The following TOP6BL variants were observed in gnomAD, a reference collection of about 807,000 sequenced individuals.
The protein encoded by TOP6BL is TOP6B like initiator of meiotic double strand breaks.
the TOP6BL span, among the ~76,000 whole-genome samples, chr11:66,758,834 C>T: frequency 0.02 from 3,056 of 152,120 alleles, 114 homozygotes; most frequent in African/African-American, 0.068. Context: ...ACTTGCTATT[C>T]GGTTATCTCT....
the TOP6BL span, among the ~76,000 whole-genome samples, chr11:66,840,777 T>C: frequency 6.6e-6 from 1 of 152,254 alleles, no homozygotes; most frequent in African/African-American, 2.4e-5. Context: ...TGTAAGGCTA[T>C]GACTCGCCTG....
chr11:66,746,966 T>C, the TOP6BL span, among the ~76,000 whole-genome samples: 1 of 151,362 alleles, frequency 6.6e-6, no homozygotes, highest in East Asian at 1.9e-4. Context: ...TGAAACGGAG[T>C]GTTGCTGTTG....
the TOP6BL span, among the ~76,000 whole-genome samples, chr11:66,763,714 C>G: frequency 6.6e-6 from 1 of 152,146 alleles, no homozygotes; most frequent in Non-Finnish European, 1.5e-5. Flanking sequence ...GAGCCATCCT[C>G]CAGCCTCAGC....
At chr11:66,753,747 C>T in the TOP6BL span, among the ~76,000 whole-genome samples, 10 of 151,632 alleles carry the variant, frequency 6.6e-5, no homozygotes, top group Admixed American at 3.3e-4. Context: ...TTCTGTTGCC[C>T]AGGCTGGAAT....
chr11:66,779,185 C>T, the TOP6BL span, among the ~76,000 whole-genome samples: 1 of 152,144 alleles, frequency 6.6e-6, no homozygotes, highest in Non-Finnish European at 1.5e-5. Flanking sequence ...AACTAAAGAG[C>T]TTCTGCACAG....
the TOP6BL span, among the ~76,000 whole-genome samples, chr11:66,750,533 G>T: frequency 6.6e-6 from 1 of 151,944 alleles, no homozygotes; most frequent in African/African-American, 2.4e-5. Flanking sequence ...GGGTGACAGA[G>T]TGAGACTCCA....
At chr11:66,815,502 TA>T in the TOP6BL span, among the ~76,000 whole-genome samples, 1 of 152,202 alleles carries the variant, frequency 6.6e-6, no homozygotes, top group Non-Finnish European at 1.5e-5. Flanking sequence ...ACAGGTTTTT[TA>T]GTCAGTCTAG....
chr11:66,835,313 C>T, the TOP6BL span, among the ~76,000 whole-genome samples: 2 of 130,532 alleles, frequency 1.5e-5, no homozygotes, highest in African/African-American at 5.3e-5. Flanking sequence ...TATCCTGTTT[C>T]TTTCTTTATG....
chr11:66,800,561 C>T, the TOP6BL span: 1 of 1,106,842 alleles, frequency 9.0e-7, no homozygotes, highest in Admixed American at 2.8e-5. Flanking sequence ...TTATTCTTTT[C>T]CTTTAGGGAT....
At chr11:66,782,551 C>T in the TOP6BL span, among the ~76,000 whole-genome samples, 1 of 152,058 alleles carries the variant, frequency 6.6e-6, no homozygotes. Context: ...GACCACTGTC[C>T]TCTGCTTGGG....
chr11:66,836,666 AAC>A, the TOP6BL span, among the ~76,000 whole-genome samples: 1 of 149,016 alleles, frequency 6.7e-6, no homozygotes, highest in Non-Finnish European at 1.5e-5. Flanking sequence ...CAGCCTGGGC[AAC>A]ATAGTGAGAC....
chr11:66,828,348 C>T, the TOP6BL span: 17 of 1,611,964 alleles, frequency 1.1e-5, no homozygotes, highest in Admixed American at 1.7e-5. Context: ...CACCACTGCT[C>T]ATGTGAGGTG....
At chr11:66,806,661 G>A in the TOP6BL span, among the ~76,000 whole-genome samples, 30 of 152,182 alleles carry the variant, frequency 2.0e-4, no homozygotes, top group Non-Finnish European at 8.8e-5. Context: ...CCAGCTACTC[G>A]GGAGACTGAG....
chr11:66,842,780 C>T, the TOP6BL span: 2 of 1,423,128 alleles, frequency 1.4e-6, no homozygotes, highest in Non-Finnish European at 1.9e-6. Context: ...TCCCAGGCTT[C>T]CCCTTGGCCA....
At chr11:66,842,921 G>T in the TOP6BL span, 1 of 1,562,920 alleles carries the variant, frequency 6.4e-7, no homozygotes, top group Non-Finnish European at 8.7e-7. Context: ...CGAGCTCTGC[G>T]CTCTGCCAGG....
the TOP6BL span, among the ~76,000 whole-genome samples, chr11:66,782,073 A>G: frequency 1.3e-5 from 2 of 152,218 alleles, no homozygotes; most frequent in Non-Finnish European, 1.5e-5. Context: ...GCATTTTTCA[A>G]ACTCTTCTAA....
At chr11:66,812,557 G>A in the TOP6BL span, among the ~76,000 whole-genome samples, 1 of 152,102 alleles carries the variant, frequency 6.6e-6, no homozygotes, top group Non-Finnish European at 1.5e-5. Flanking sequence ...TGAGATTTGT[G>A]AGGGAGACTT....
chr11:66,766,228 A>G, the TOP6BL span, among the ~76,000 whole-genome samples: 9 of 152,342 alleles, frequency 5.9e-5, no homozygotes, highest in East Asian at 1.7e-3. Flanking sequence ...TTGAAGAACT[A>G]TCAGCTTTAG....
chr11:66,784,370 A>T, the TOP6BL span, among the ~76,000 whole-genome samples: 2 of 151,634 alleles, frequency 1.3e-5, no homozygotes, highest in African/African-American at 4.9e-5. Context: ...GGTTTTGCCA[A>T]GGGGTGGTCT....
Sources: allele counts gnomAD v4.1 joint callset (sites outside exome capture counted in the v4.1 genomes callset), GRCh38; gene constraint gnomAD v4.1.1; transcripts MANE v1.5; gene names NCBI Gene and HGNC (gene_info 2026-07-23, HGNC 2026-07-21).